Variants in BMPR1A observed in about 807,000 individuals in gnomAD.
BMPR1A encodes the protein bone morphogenetic protein receptor type 1A, also known as bone morphogenetic protein receptor type-1A.
BMPR1A carries 7 observed loss-of-function variants against 66.0 expected under a neutral mutation model. The observed-to-expected ratio is 0.11, with a 90% CI of 0.06 to 0.20. The LOEUF (loss-of-function observed/expected upper bound fraction) is 0.20, where lower values mean the gene tolerates loss of function less well. BMPR1A is among the 10% of genes least tolerant of loss of function. The probability of loss-of-function intolerance (pLI) is 1.00; values close to 1 mark genes in which losing one functional copy is unlikely to be tolerated. For missense variants in BMPR1A, 408 were observed against 669.1 expected (o/e 0.61, Z 4.31); for synonymous variants, 200 against 229.7 (o/e 0.87, Z 1.17).
At chr10:86,921,820 T>G in intron 11 of BMPR1A, 125 bp downstream of exon 11, 4 of 1,222,170 alleles carry the variant, frequency 3.3e-6, no homozygotes, top group Non-Finnish European at 4.7e-6. Context: ...TATTATTGGA[T>G]AAGGAGTTAT....
chr10:86,852,106 C>T (rs1842575441), intron 2 of BMPR1A, among the ~76,000 whole-genome samples: 1 of 149,462 alleles, frequency 6.7e-6, no homozygotes, highest in African/African-American at 2.5e-5. Flanking sequence ...GTCTGAAATA[C>T]CCCTCACAAC....
rs145756629 is a variant in BMPR1A at position 86,923,452 on chromosome 10, T to G, written c.1419T>G (p.Val473=). 1,005 of 1,614,208 alleles carry G rather than the reference T, an allele frequency of 6.2e-4. 5 individuals are homozygous for G. The highest frequency in any genetic ancestry group is 1.6e-3 in the Middle Eastern group (10 of 6,062). ...SDPSYEDMRE[V]VCVKRLRPIV... ...CGTCATACGAAGATATGCGTGAGGT[T>G]GTGTGTGTCAAACGTTTGCGGCCAA... Residue 473 remains valine (V), a synonymous_variant, in exon 12 of 13, where the codon GTT becomes GTG. Coordinates refer to ENST00000372037, the MANE Select transcript of BMPR1A (RefSeq NM_004329.3).
At chr10:86,826,052 T>A (rs1163893522) in intron 1 of BMPR1A, among the ~76,000 whole-genome samples, 1 of 152,218 alleles carries the variant, frequency 6.6e-6, no homozygotes, top group African/African-American at 2.4e-5. Flanking sequence ...GTGGCTCACT[T>A]GCTAACGTTT....
intron 2 of BMPR1A, among the ~76,000 whole-genome samples, chr10:86,866,414 T>TTTTC (rs1842788256): frequency 4.6e-5 from 6 of 131,268 alleles, no homozygotes; most frequent in African/African-American, 1.5e-4. Context: ...TTTTTTTTTT[T>TTTTC]TTTTTTTTTT....
At chr10:86,902,800 C>T (rs115950288) in intron 7 of BMPR1A, among the ~76,000 whole-genome samples, 1,552 of 152,282 alleles carry the variant, frequency 0.01, 24 homozygotes, top group African/African-American at 0.035. Context: ...TAGCCTGTCT[C>T]AGTTCGAAGA....
chr10:86,864,978 C>CA (rs1365375954), intron 2 of BMPR1A, among the ~76,000 whole-genome samples: 1 of 152,226 alleles, frequency 6.6e-6, no homozygotes, highest in East Asian at 1.9e-4. Context: ...TACCACCCCC[C>CA]AAAAATTTTC....
At chr10:86,872,327 G>A (rs572294247) in intron 2 of BMPR1A, among the ~76,000 whole-genome samples, 1 of 152,214 alleles carries the variant, frequency 6.6e-6, no homozygotes, top group East Asian at 1.9e-4. Flanking sequence ...TTTAAAATGT[G>A]TATTTACATT....
chr10:86,925,443 A>C lies in BMPR1A; in HGVS notation c.*1724A>C, dbSNP rs1157765507. On this transcript the variant is annotated 3_prime_UTR_variant, in exon 13 of 13. Coordinates refer to ENST00000372037, the MANE Select transcript of BMPR1A (RefSeq NM_004329.3). The stretch of plus-strand genomic sequence containing the variant: ...TTAAAACTTACAAATTTGTCTGCAC[A>C]TCAAATTTCACAAATTTGAAAATTG... 4.6e-6 allele frequency: 1 copy of C among 215,084 alleles called. No homozygotes were observed. The highest frequency in any genetic ancestry group is 2.3e-5 in the African/African-American group (1 of 44,358). 13.3% of individuals were successfully genotyped at this position (215,084 alleles called of 1,614,324 possible). A position where few individuals can be genotyped will look rare whatever the true frequency, so the allele number is the denominator to read the frequency against.
intron 2 of BMPR1A, among the ~76,000 whole-genome samples, chr10:86,873,281 G>A (rs558415065): frequency 2.0e-5 from 3 of 152,128 alleles, no homozygotes; most frequent in African/African-American, 4.8e-5. Context: ...ACACTGGGTC[G>A]GTAATACGTA....
chr10:86,908,963 G>A (rs1179978723), intron 7 of BMPR1A, among the ~76,000 whole-genome samples: 1 of 152,216 alleles, frequency 6.6e-6, no homozygotes, highest in Non-Finnish European at 1.5e-5. Flanking sequence ...CCAAGAGGCA[G>A]AGGGACTTTG....
At chr10:86,835,670 TG>T (rs1039153370) in intron 1 of BMPR1A, among the ~76,000 whole-genome samples, 1 of 147,828 alleles carries the variant, frequency 6.8e-6, no homozygotes, top group Non-Finnish European at 1.5e-5. Flanking sequence ...TAGAAATCAG[TG>T]GGTGACATTC....
intron 1 of BMPR1A, among the ~76,000 whole-genome samples, chr10:86,799,510 CTTTT>C (rs1181125956): frequency 0.017 from 868 of 51,940 alleles, 10 homozygotes; most frequent in African/African-American, 0.032. Flanking sequence ...TCCTTCCTTT[CTTTT>C]CTTTTCTTTT....
intron 2 of BMPR1A, chr10:86,854,880 G>T: frequency 4.3e-6 from 1 of 233,500 alleles, no homozygotes; most frequent in Non-Finnish European, 9.2e-6. Context: ...CCAGGCAGGG[G>T]AATGACTATC....
chr10:86,891,177 C>G (rs566594423), intron 4 of BMPR1A, among the ~76,000 whole-genome samples: 39 of 152,274 alleles, frequency 2.6e-4, no homozygotes, highest in African/African-American at 8.7e-4. Flanking sequence ...GTGGTGGGCT[C>G]TGCGTGGCTG....
intron 1 of BMPR1A, among the ~76,000 whole-genome samples, chr10:86,823,784 G>C (rs1347550503): frequency 6.6e-6 from 1 of 152,172 alleles, no homozygotes; most frequent in Non-Finnish European, 1.5e-5. Context: ...GACCCTCCCT[G>C]TGGAATGCTC....
At chr10:86,884,039 T>C (rs1190104484) in intron 3 of BMPR1A, among the ~76,000 whole-genome samples, 2 of 151,912 alleles carry the variant, frequency 1.3e-5, no homozygotes, top group Non-Finnish European at 2.9e-5. Flanking sequence ...CACACTCGGC[T>C]AATTTTTGTA....
chr10:86,791,066 C>T (rs529395603), intron 1 of BMPR1A, among the ~76,000 whole-genome samples: 1 of 152,286 alleles, frequency 6.6e-6, no homozygotes, highest in African/African-American at 2.4e-5. Context: ...GTGTTAGCTA[C>T]TAAATCATTT....
At chr10:86,894,476 A>G (rs955383736) in intron 5 of BMPR1A, among the ~76,000 whole-genome samples, 6 of 152,238 alleles carry the variant, frequency 3.9e-5, no homozygotes, top group African/African-American at 1.4e-4. Context: ...TCAAGCACAC[A>G]TACTATACAT....
intron 1 of BMPR1A, among the ~76,000 whole-genome samples, chr10:86,801,805 C>T (rs1015711629): frequency 1.3e-5 from 2 of 152,008 alleles, no homozygotes; most frequent in Admixed American, 6.6e-5. Flanking sequence ...CTCTGCCTCC[C>T]GGGTTCACGC....
Sources: allele counts gnomAD v4.1 joint callset (sites outside exome capture counted in the v4.1 genomes callset), GRCh38; gene constraint gnomAD v4.1.1; transcripts MANE v1.5; gene names NCBI Gene and HGNC (gene_info 2026-07-23, HGNC 2026-07-21).